Variants in TTLL7 observed in about 807,000 individuals in gnomAD.
The protein encoded by TTLL7 is tubulin tyrosine ligase like 7, also known as tubulin polyglutamylase TTLL7.
In TTLL7, 53 loss-of-function variants were observed where a neutral mutation model predicts 120.2. The observed-to-expected ratio is 0.44, with a 90% confidence interval of 0.35 to 0.55. The LOEUF (loss-of-function observed/expected upper bound fraction) is 0.55, where lower values mean the gene tolerates loss of function less well. TTLL7 is among the 20% of genes least tolerant of loss of function. TTLL7 has a pLI of 0.00. For synonymous variants in TTLL7, 353 were observed against 351.7 expected (o/e 1.00, Z -0.04); for missense variants, 803 against 1,054.7 (o/e 0.76, Z 3.31).
intron 8 of TTLL7, among the ~76,000 whole-genome samples, chr1:83,936,605 T>C (rs1253147694): frequency 6.6e-6 from 1 of 152,184 alleles, no homozygotes; most frequent in African/African-American, 2.4e-5. Flanking sequence ...AATGCAGCAT[T>C]GTTATGATCC....
intron 1 of TTLL7, among the ~76,000 whole-genome samples, chr1:83,998,349 A>T (rs1022473737): frequency 5.9e-5 from 9 of 152,198 alleles, no homozygotes; most frequent in Non-Finnish European, 8.8e-5. Flanking sequence ...ACCCACCCAG[A>T]ATACAAGGCA....
chr1:83,961,646 C>T (rs114787013), intron 1 of TTLL7, among the ~76,000 whole-genome samples: 20 of 152,114 alleles, frequency 1.3e-4, no homozygotes, highest in Admixed American at 1.2e-3. Flanking sequence ...AGCTATAACT[C>T]GGTTACTAAG....
rs1553136168 is a variant in TTLL7, at chr1:83,922,662, A to ATTC, written c.1143-1269_1143-1268insGAA. On this transcript the variant is annotated intron_variant, in intron 10 of 20. Coordinates refer to ENST00000260505, the MANE Select transcript of TTLL7 (RefSeq NM_024686.6). ...GATTACTGGAGCTCTGGGTGAATGCAAGAAACTCAGCTTCTCACATGGACT... is the reference window on the plus strand; with the variant it reads ...GATTACTGGAGCTCTGGGTGAATGCATTCAGAAACTCAGCTTCTCACATGGACT... Among the ~76,000 whole-genome samples, 326 of 151,764 alleles carry ATTC rather than the reference A, an allele frequency of 2.1e-3. 5 individuals are homozygous for ATTC. The highest frequency in any genetic ancestry group is 3.8e-3 in the African/African-American group (158 of 41,252).
intron 17 of TTLL7, among the ~76,000 whole-genome samples, chr1:83,905,705 C>T (rs1030687259): frequency 8.6e-5 from 13 of 151,722 alleles, no homozygotes; most frequent in Admixed American, 2.0e-4. Context: ...TGAAGAAATG[C>T]GCTTTCACAA....
chr1:83,870,364 T>C (rs4907185), intron 20 of TTLL7, among the ~76,000 whole-genome samples: 78,773 of 151,958 alleles, frequency 0.52, 20,982 homozygotes, highest in Non-Finnish European at 0.59. Flanking sequence ...TAGAATTCAT[T>C]ATCAGTCCTT....
chr1:83,956,577 G>GCCA (rs1450402426), intron 1 of TTLL7, among the ~76,000 whole-genome samples: 1 of 151,968 alleles, frequency 6.6e-6, no homozygotes, highest in Non-Finnish European at 1.5e-5. Context: ...ACAGGCATGC[G>GCCA]CCACCACACC....
Position 83,968,137 on chromosome 1 carries a change from C to A in TTLL7, c.-176-15750G>T, listed in dbSNP as rs551362531. Among the ~76,000 whole-genome samples the A allele has an allele frequency of 1.4e-4, 21 of 152,094 alleles. No individual in the cohort carries two copies. The East Asian group carries it at 3.5e-3, about 25-fold the overall frequency. On this transcript the variant is annotated intron_variant, in intron 1 of 20. Coordinates refer to ENST00000260505, the MANE Select transcript of TTLL7 (RefSeq NM_024686.6). ...TTAATTTGGAGCAAAGTGTGAAATG[C>A]ACCATACCCATGGGCTTATAAAAAC...
At chr1:83,873,287 G>A (rs1653609935) in intron 20 of TTLL7, among the ~76,000 whole-genome samples, 2 of 152,168 alleles carry the variant, frequency 1.3e-5, no homozygotes, top group South Asian at 4.1e-4. Flanking sequence ...GGATTTTAAA[G>A]TGTTGCAGGG....
In TTLL7 at chr1:83,887,234, T is replaced by C. The variant is rs114619039; in HGVS notation, c.2369+3087A>G. The C allele has an allele frequency of 1.4e-3, 1,728 of 1,203,722 alleles. 30 individuals are homozygous for C. In the African/African-American group the frequency reaches 0.026, roughly 18 times the overall value. 74.6% of individuals were successfully genotyped at this position (1,203,722 alleles called of 1,614,324 possible). A position where few individuals can be genotyped will look rare whatever the true frequency, so the allele number is the denominator to read the frequency against. On this transcript the variant is annotated intron_variant, in intron 19 of 20. Coordinates refer to ENST00000260505, the MANE Select transcript of TTLL7 (RefSeq NM_024686.6). ...AGGCAAGAATCAAGGCCTTGGATTC[T>C]TGGATATAATCAAACACTTGGATTA...
chr1:83,998,611 C>T (rs1653701721), intron 1 of TTLL7, among the ~76,000 whole-genome samples: 2 of 152,360 alleles, frequency 1.3e-5, no homozygotes, highest in Non-Finnish European at 2.9e-5. Flanking sequence ...AGCAGGGAGC[C>T]TCCTCGTTCA....
At chr1:83,973,184 T>C (rs1464106549) in intron 1 of TTLL7, among the ~76,000 whole-genome samples, 1 of 152,122 alleles carries the variant, frequency 6.6e-6, no homozygotes, top group Non-Finnish European at 1.5e-5. Flanking sequence ...CATTATTTTC[T>C]AGGAGTTTTA....
chr1:83,889,545 T>C (rs923241523), intron 19 of TTLL7, among the ~76,000 whole-genome samples: 1 of 152,128 alleles, frequency 6.6e-6, no homozygotes, highest in East Asian at 1.9e-4. Flanking sequence ...TCCTTATCTA[T>C]AAAATAGAGA....
intron 10 of TTLL7, among the ~76,000 whole-genome samples, chr1:83,927,944 T>C (rs964876863): frequency 1.3e-5 from 2 of 152,188 alleles, no homozygotes; most frequent in African/African-American, 4.8e-5. Context: ...CTCATTAGCA[T>C]ATGCTCTAAA....
intron 1 of TTLL7, among the ~76,000 whole-genome samples, chr1:83,994,571 G>A (rs181756170): frequency 2.5e-3 from 381 of 152,356 alleles, no homozygotes; most frequent in African/African-American, 8.7e-3. Flanking sequence ...CTGGGAACAA[G>A]GGGAGGGGGA....
At chr1:83,886,360 T>C (rs1480050852) in intron 19 of TTLL7, among the ~76,000 whole-genome samples, 1 of 152,020 alleles carries the variant, frequency 6.6e-6, no homozygotes, top group African/African-American at 2.4e-5. Flanking sequence ...AACACCCTTG[T>C]CCTTCTCTTT....
chr1:83,922,285 A>T (rs894309550), intron 10 of TTLL7, among the ~76,000 whole-genome samples: 1 of 152,198 alleles, frequency 6.6e-6, no homozygotes, highest in African/African-American at 2.4e-5. Context: ...TATTGTCATT[A>T]GGCTGGTAGG....
At chr1:83,925,942 G>A (rs575263615) in intron 10 of TTLL7, among the ~76,000 whole-genome samples, 2 of 151,886 alleles carry the variant, frequency 1.3e-5, no homozygotes, top group Admixed American at 6.6e-5. Context: ...TCAACATGGC[G>A]AAACCCCGTC....
Position 83,909,269 on chromosome 1 carries a change from CTTTTT to C in TTLL7, c.1787-1613_1787-1609del, listed in dbSNP as rs71582911. 7.1e-5 allele frequency among the ~76,000 whole-genome samples: 7 copies of C among 99,290 alleles called. No individual in the cohort carries two copies. In the East Asian group the frequency reaches 8.9e-4, roughly 13 times the overall value. The allele number at this position is 99,290 out of a possible 152,430, so 65.1% of individuals were successfully genotyped here. ...TCATCACAGATTACTTTTTTTTTTC[CTTTTT>C]TTTTTTTTTTTTTTGCCTACACATG... On this transcript the variant is annotated intron_variant, in intron 15 of 20. Coordinates refer to ENST00000260505, the MANE Select transcript of TTLL7 (RefSeq NM_024686.6).
intron 18 of TTLL7, among the ~76,000 whole-genome samples, chr1:83,892,237 TGA>T (rs1557560917): frequency 5.7e-4 from 79 of 139,170 alleles, no homozygotes; most frequent in Admixed American, 1.6e-3. Flanking sequence ...TGTATATATA[TGA>T]ATATATATGT....
Sources: allele counts gnomAD v4.1 joint callset (sites outside exome capture counted in the v4.1 genomes callset), GRCh38; gene constraint gnomAD v4.1.1; transcripts MANE v1.5; gene names NCBI Gene and HGNC (gene_info 2026-07-23, HGNC 2026-07-21).